Variants in CREB1 observed in about 807,000 individuals in gnomAD.
CREB1 encodes cyclic AMP-responsive element-binding protein 1.
CREB1 carries 2 observed loss-of-function variants against 42.0 expected under a neutral mutation model. The observed-to-expected ratio is 0.05, with a 90% CI of 0.02 to 0.15. CREB1 has a LOEUF of 0.15. CREB1 is among the 10% of genes least tolerant of loss of function. The pLI is 1.00. For synonymous variants in CREB1, 123 were observed against 139.9 expected, an observed-to-expected ratio of 0.88 and a Z score of 0.85; for missense variants, 199 against 388.9, an observed-to-expected ratio of 0.51 and a Z score of 4.11.
chr2:207,545,756 GGA>G (rs1337253061), intron 1 of CREB1, among the ~76,000 whole-genome samples: 1 of 147,618 alleles, frequency 6.8e-6, no homozygotes, highest in African/African-American at 2.5e-5. Flanking sequence ...TTTGTGAGAT[GGA>G]GTTTCGCTCT....
chr2:207,591,734 C>G (rs1032898051), intron 7 of CREB1, among the ~76,000 whole-genome samples: 4 of 152,010 alleles, frequency 2.6e-5, no homozygotes, highest in African/African-American at 9.7e-5. Context: ...TTCCCAGCCT[C>G]CTTTTGATTA....
chr2:207,534,527 A>G (rs533670981), intron 1 of CREB1: 1 of 152,380 alleles, frequency 6.6e-6, no homozygotes, highest in African/African-American at 2.4e-5. Flanking sequence ...ATTTATTATT[A>G]CTATATGTAA....
At chr2:207,593,452 C>T (rs1368437900) in intron 7 of CREB1, among the ~76,000 whole-genome samples, 1 of 152,136 alleles carries the variant, frequency 6.6e-6, no homozygotes, top group East Asian at 1.9e-4. Context: ...ATCACTTGAG[C>T]CTGGGAGGTC....
At chr2:207,551,616 C>T (rs1231250568) in intron 1 of CREB1, among the ~76,000 whole-genome samples, 1 of 152,158 alleles carries the variant, frequency 6.6e-6, no homozygotes, top group Non-Finnish European at 1.5e-5. Flanking sequence ...TGACCTCTTA[C>T]TCAATGGGTC....
In CREB1 at chr2:207,600,077, T is replaced by C. The variant is rs1230270128; in HGVS notation, c.*3019T>C. On this transcript the variant is annotated 3_prime_UTR_variant, in exon 8 of 8. Transcript: ENST00000353267. ...AACTGAAAAGTGGCTTAGAAAGGGCTAGATCCAATGTGTTCATTATTAAAT... is the reference window on the plus strand; with the variant it reads ...AACTGAAAAGTGGCTTAGAAAGGGCCAGATCCAATGTGTTCATTATTAAAT... 5.3e-6 allele frequency: 1 copy of C among 187,648 alleles called. No homozygotes were observed. The highest frequency in any genetic ancestry group is 1.1e-5 in the Non-Finnish European group (1 of 89,048). The allele number at this position is 187,648 out of a possible 1,614,324, so 11.6% of individuals were successfully genotyped here.
At chr2:207,543,598 TTTTATTTA>T (rs748170591) in intron 1 of CREB1, among the ~76,000 whole-genome samples, 27 of 151,862 alleles carry the variant, frequency 1.8e-4, no homozygotes, top group Non-Finnish European at 3.7e-4. Flanking sequence ...TGGTTATTAA[TTTTATTTA>T]TTTATTTATT....
chr2:207,555,629 T>G lies in CREB1; in HGVS notation c.-7T>G. 1 of 1,587,202 alleles carries G rather than the reference T, an allele frequency of 6.3e-7. No homozygotes were observed. The highest frequency in any genetic ancestry group is 1.1e-5 in the South Asian group (1 of 90,214). On this transcript the variant is annotated splice_region_variant and 5_prime_UTR_variant, in exon 2 of 8. Coordinates refer to ENST00000353267, the MANE Select transcript of CREB1 (RefSeq NM_004379.5). ...TAACACTCTTCCATATTATTATAGG[T>G]AACTAAATGACCATGGAATCTGGAG...
intron 7 of CREB1, among the ~76,000 whole-genome samples, chr2:207,580,278 C>G (rs569348544): frequency 6.6e-6 from 1 of 152,154 alleles, no homozygotes; most frequent in South Asian, 2.1e-4. Context: ...CAGTATGCAG[C>G]CATCTTCTGC....
intron 5 of CREB1, chr2:207,571,733 G>C (rs1202334172): frequency 1.3e-5 from 6 of 454,720 alleles, no homozygotes; most frequent in Non-Finnish European, 2.7e-5. Flanking sequence ...TTCTACTTCA[G>C]CATACCTGAG....
intron 1 of CREB1, among the ~76,000 whole-genome samples, chr2:207,538,654 T>C (rs2080971292): frequency 6.6e-6 from 1 of 152,182 alleles, no homozygotes; most frequent in Non-Finnish European, 1.5e-5. Context: ...GAAGTGACAT[T>C]TGATTAGATA....
At chr2:207,571,686 T>G in intron 5 of CREB1, 1 of 451,546 alleles carries the variant, frequency 2.2e-6, no homozygotes, top group Non-Finnish European at 4.5e-6. Context: ...ATTCAAGATA[T>G]GTGTTCGAAG....
At chr2:207,574,187 T>TG (rs1559047765) in intron 5 of CREB1, among the ~76,000 whole-genome samples, 1 of 152,250 alleles carries the variant, frequency 6.6e-6, no homozygotes, top group Non-Finnish European at 1.5e-5. Flanking sequence ...CCATAGCTGG[T>TG]GGATAACTGA....
intron 6 of CREB1, 26 bp from the exon 7 acceptor site, chr2:207,577,479 T>A: frequency 6.2e-7 from 1 of 1,612,562 alleles, no homozygotes; most frequent in South Asian, 1.1e-5. Flanking sequence ...GTTTCTGTCT[T>A]ACACCATGCT....
Position 207,605,929 on chromosome 2 carries a change from T to G in CREB1, c.*8871T>G, listed in dbSNP as rs1559102704. On this transcript the variant is annotated 3_prime_UTR_variant, in exon 8 of 8. Transcript: ENST00000353267. ...ATTAACTTATGTTGATTACTATTTT[T>G]ATGTCAAACTTTACAGTCTAGGCAT... Among the ~76,000 whole-genome samples the G allele has an allele frequency of 6.6e-6, 1 of 152,262 alleles. No individual in the cohort carries two copies. The highest frequency in any genetic ancestry group is 1.5e-5 in the Non-Finnish European group (1 of 68,040).
intron 1 of CREB1, among the ~76,000 whole-genome samples, chr2:207,537,951 A>G (rs1255967499): frequency 6.6e-6 from 1 of 152,236 alleles, no homozygotes; most frequent in Non-Finnish European, 1.5e-5. Context: ...ATAATGAGCT[A>G]TCTTGGGGAT....
At chr2:207,532,681 A>G (rs888129615) in intron 1 of CREB1, among the ~76,000 whole-genome samples, 1 of 151,934 alleles carries the variant, frequency 6.6e-6, no homozygotes, top group Non-Finnish European at 1.5e-5. Context: ...AAAAAAAAAA[A>G]GTTTACTGAT....
chr2:207,547,064 C>T (rs1665195517), intron 1 of CREB1, among the ~76,000 whole-genome samples: 1 of 152,100 alleles, frequency 6.6e-6, no homozygotes, highest in South Asian at 2.1e-4. Flanking sequence ...TTTTGTTCTC[C>T]ATCTGTGAAG....
chr2:207,544,146 A>G (rs1438002240), intron 1 of CREB1, among the ~76,000 whole-genome samples: 2 of 151,380 alleles, frequency 1.3e-5, no homozygotes, highest in African/African-American at 4.9e-5. Flanking sequence ...TGACCTCATG[A>G]TCTGCCCGCC....
chr2:207,566,353 T>G (rs527956798), intron 3 of CREB1, among the ~76,000 whole-genome samples: 1 of 152,330 alleles, frequency 6.6e-6, no homozygotes, highest in African/African-American at 2.4e-5. Context: ...TAGACCCTTT[T>G]GTCTTGGTTA....
Sources: gnomAD v4.1 joint callset for allele counts (sites outside exome capture counted in the v4.1 genomes callset) on GRCh38, gnomAD v4.1.1 for gene constraint, MANE v1.5 for transcripts, NCBI Gene and HGNC (gene_info 2026-07-23, HGNC 2026-07-21) for gene names.